The following TNKS variants were observed in gnomAD, a reference collection of about 807,000 sequenced individuals.
TNKS encodes tankyrase, also known as poly [ADP-ribose] polymerase tankyrase-1.
TNKS carries 72 observed loss-of-function variants against 135.8 expected under a neutral mutation model. The ratio of observed to expected loss-of-function variants is 0.53; its 90% CI spans 0.44 to 0.64. The LOEUF (loss-of-function observed/expected upper bound fraction) is 0.64, where lower values mean the gene tolerates loss of function less well. TNKS is among the 30% of genes least tolerant of loss of function. The pLI is 0.00. For synonymous variants in TNKS, 849 were observed against 649.3 expected, an observed-to-expected ratio of 1.31 and a Z score of -4.68; for missense variants, 1,769 against 1,674.0, an observed-to-expected ratio of 1.06 and a Z score of -0.99.
intron 11 of TNKS, among the ~76,000 whole-genome samples, chr8:9,711,453 G>A (rs1804330581): frequency 6.6e-6 from 1 of 152,162 alleles, no homozygotes; most frequent in South Asian, 2.1e-4. Flanking sequence ...CTAAATGGTA[G>A]AACTTTTATA....
At chr8:9,747,536 A>G (rs998436361) in intron 17 of TNKS, among the ~76,000 whole-genome samples, 5 of 152,214 alleles carry the variant, frequency 3.3e-5, no homozygotes, top group African/African-American at 9.7e-5. Flanking sequence ...CTAAAGAGAA[A>G]ACATTGAGAA....
intron 2 of TNKS, among the ~76,000 whole-genome samples, chr8:9,605,660 T>C (rs1799189131): frequency 6.6e-6 from 1 of 152,122 alleles, no homozygotes; most frequent in African/African-American, 2.4e-5. Flanking sequence ...ACACTTGGTA[T>C]TGCCAGTCTT....
intron 14 of TNKS, among the ~76,000 whole-genome samples, chr8:9,731,488 A>G (rs1805439193): frequency 6.7e-6 from 1 of 149,906 alleles, no homozygotes; most frequent in African/African-American, 2.4e-5. Flanking sequence ...AAAAAAACAT[A>G]GAAATGTACA....
chr8:9,597,357 T>C (rs1223711756), intron 2 of TNKS, among the ~76,000 whole-genome samples: 2 of 152,252 alleles, frequency 1.3e-5, no homozygotes, highest in African/African-American at 2.4e-5. Context: ...TTTTGTATTC[T>C]GACACAAAGC....
chr8:9,645,463 T>G (rs1800887119), intron 3 of TNKS, among the ~76,000 whole-genome samples: 1 of 152,078 alleles, frequency 6.6e-6, no homozygotes, highest in African/African-American at 2.4e-5. Flanking sequence ...AGGACGAACC[T>G]CAGAACAATT....
chr8:9,720,276 G>C, intron 11 of TNKS, 98 bp from the exon 12 acceptor site: 5 of 1,139,862 alleles, frequency 4.4e-6, no homozygotes, highest in South Asian at 3.9e-5. Flanking sequence ...TAAAAGCTTT[G>C]AAAGTTGATT....
chr8:9,754,889 C>G (rs953490304), intron 20 of TNKS, among the ~76,000 whole-genome samples: 1 of 152,134 alleles, frequency 6.6e-6, no homozygotes, highest in African/African-American at 2.4e-5. Flanking sequence ...AGGACAATAT[C>G]CTAAATAGTA....
chr8:9,666,323 A>G (rs1381671409), intron 3 of TNKS, among the ~76,000 whole-genome samples: 1 of 152,276 alleles, frequency 6.6e-6, no homozygotes, highest in Non-Finnish European at 1.5e-5. Context: ...TAGGAAGCTT[A>G]TATTTCTACT....
intron 20 of TNKS, among the ~76,000 whole-genome samples, chr8:9,757,638 G>T (rs1316275756): frequency 6.6e-6 from 1 of 151,984 alleles, no homozygotes; most frequent in Non-Finnish European, 1.5e-5. Flanking sequence ...GTTCTCTTAG[G>T]GATTGTCCAA....
chr8:9,569,286 C>T (rs1797670873), intron 1 of TNKS, among the ~76,000 whole-genome samples: 3 of 152,190 alleles, frequency 2.0e-5, no homozygotes, highest in South Asian at 2.1e-4. Flanking sequence ...AGCACACACA[C>T]ATCATAAGTG....
chr8:9,556,420 A>G lies in TNKS; in HGVS notation c.481A>G (p.Ser161Gly). The change falls in exon 1 of 27, where the codon AGC (serine) becomes GGC (glycine). Residue 161 changes from serine (S) to glycine (G), a missense_variant. Physicochemically the swap from Ser to Gly is moderately conservative, Grantham distance 56 (BLOSUM62 0). Coordinates refer to ENST00000310430, the MANE Select transcript of TNKS (RefSeq NM_003747.3). ...AESPEAAGVSSTAPLGPGAAG... is the reference protein window; with the variant it reads ...AESPEAAGVSGTAPLGPGAAG... ...GAGCCCCGAGGCGGCCGGAGTTAGC[A>G]GCACAGCACCACTGGGGCCTGGGGC... is the stretch of plus-strand genomic sequence containing the variant. 4 of 1,614,194 alleles carry G rather than the reference A, an allele frequency of 2.5e-6. No homozygotes were observed. Among genetic ancestry groups the G allele is most frequent in the African/African-American group, 2.7e-5 (2 of 75,070 alleles).
rs1018415584 is a variant in TNKS, at chr8:9,591,862, G to A, written c.898+11479G>A. 2.5e-4 allele frequency among the ~76,000 whole-genome samples: 38 copies of A among 152,146 alleles called. 1 individual carries two copies. Among genetic ancestry groups the A allele is most frequent in the African/African-American group, 7.5e-4 (31 of 41,446 alleles). On this transcript the variant is annotated intron_variant, in intron 2 of 26. Coordinates refer to ENST00000310430, the MANE Select transcript of TNKS (RefSeq NM_003747.3). Reference sequence around the variant, plus strand: ...GACAATTATTCTTAGGTTAAAAGCAGTATATAGAGAAATAACATTATCGTT... The same window carrying A: ...GACAATTATTCTTAGGTTAAAAGCAATATATAGAGAAATAACATTATCGTT...
At chr8:9,677,006 C>G (rs1802569310) in intron 3 of TNKS, among the ~76,000 whole-genome samples, 2 of 152,266 alleles carry the variant, frequency 1.3e-5, no homozygotes, top group Admixed American at 1.3e-4. Flanking sequence ...TTTTCAGATT[C>G]TCAGCTAAGA....
chr8:9,672,711 C>CACACACACACAA (rs1399922732), intron 3 of TNKS, among the ~76,000 whole-genome samples: 3 of 85,212 alleles, frequency 3.5e-5, no homozygotes, highest in South Asian at 4.5e-4. Flanking sequence ...CACACACACA[C>CACACACACACAA]AAAAAAAAAA....
At chr8:9,654,177 C>G (rs1265967803) in intron 3 of TNKS, among the ~76,000 whole-genome samples, 2 of 152,206 alleles carry the variant, frequency 1.3e-5, no homozygotes, top group Admixed American at 1.3e-4. Flanking sequence ...TGATTGGGAA[C>G]TGCACCAGAA....
intron 3 of TNKS, among the ~76,000 whole-genome samples, chr8:9,618,021 C>G (rs1393800754): frequency 2.6e-5 from 3 of 115,188 alleles, no homozygotes; most frequent in East Asian, 5.1e-4. Flanking sequence ...GAGTTTTGCT[C>G]TGTTGCCCAG....
At position 9,699,660 on chromosome 8, in the gene TNKS, A is replaced by G. The variant is rs149379300; in HGVS notation, c.1108-5003A>G. Among the ~76,000 whole-genome samples the G allele has an allele frequency of 1.9e-4, 29 of 152,238 alleles. No homozygotes were observed. In the East Asian group the frequency reaches 5.4e-3, roughly 28 times the overall value. On this transcript the variant is annotated intron_variant, in intron 5 of 26. Coordinates refer to ENST00000310430, the MANE Select transcript of TNKS (RefSeq NM_003747.3). ...CCCTTCTTGTGAATTCACCACTCTC[A>G]TAGCTCAGCTACTCCTACTTAGATG...
rs1052928035 is a variant in TNKS at position 9,706,266 on chromosome 8, C to G, written c.1269+13C>G. 4 of 1,533,616 alleles carry G rather than the reference C, an allele frequency of 2.6e-6. No individual in the cohort carries two copies. Among genetic ancestry groups the G allele is most frequent in the South Asian group, 1.3e-5 (1 of 76,904 alleles). ...ACTGCTACTAAAGGTAAGAGAAATT[C>G]AGAATATTGAGCATCATTTACTTTT... On this transcript the variant is annotated intron_variant, in intron 7 of 26. Coordinates refer to ENST00000310430, the MANE Select transcript of TNKS (RefSeq NM_003747.3).
At chr8:9,650,502 A>T (rs1801105957) in intron 3 of TNKS, among the ~76,000 whole-genome samples, 1 of 152,092 alleles carries the variant, frequency 6.6e-6, no homozygotes, top group South Asian at 2.1e-4. Flanking sequence ...TTTCTTAATT[A>T]TGGCCATACT....
Sources: allele counts gnomAD v4.1 joint callset (sites outside exome capture counted in the v4.1 genomes callset), GRCh38; gene constraint gnomAD v4.1.1; transcripts MANE v1.5; gene names NCBI Gene and HGNC (gene_info 2026-07-23, HGNC 2026-07-21).